TRIM66: variants seen among roughly 807,000 people sequenced by gnomAD.
TRIM66 encodes tripartite motif containing 66.
A neutral mutation model predicts 148.2 loss-of-function variants in TRIM66; 99 were observed. That is an observed-to-expected ratio of 0.67 (90% confidence interval 0.57 to 0.79). The LOEUF (loss-of-function observed/expected upper bound fraction) is 0.79. Among genes scored for constraint, TRIM66 ranks in the 30% least tolerant of loss-of-function variants. The pLI, the probability that TRIM66 is intolerant of heterozygous loss-of-function variation, is 0.00. For synonymous variants in TRIM66, 616 were observed against 635.9 expected (o/e 0.97, Z 0.47); for missense variants, 1,666 against 1,697.9 (o/e 0.98, Z 0.33).
chr11:8,655,844 A>C (rs964844569), intron 6 of TRIM66, among the ~76,000 whole-genome samples: 1 of 152,216 alleles, frequency 6.6e-6, no homozygotes, highest in African/African-American at 2.4e-5. Context: ...CAAGATAGGA[A>C]GGAACAGACA....
intron 6 of TRIM66, among the ~76,000 whole-genome samples, chr11:8,670,839 TAGCTTGCCCATGGG>T (rs2038892472): frequency 6.6e-6 from 1 of 152,204 alleles, no homozygotes; most frequent in Non-Finnish European, 1.5e-5. Flanking sequence ...AGAGGCAAGG[TAGCTTGCCCATGGG>T]TTCAGAGGGC....
At chr11:8,675,041 G>C (rs1163712748) in intron 3 of TRIM66, among the ~76,000 whole-genome samples, 158 bp from the exon 4 acceptor site, 1 of 152,190 alleles carries the variant, frequency 6.6e-6, no homozygotes, top group African/African-American at 2.4e-5. Flanking sequence ...AAAATCTGCT[G>C]ATCTTGCTCT....
chr11:8,616,448 G>A lies in TRIM66; in HGVS notation c.*1496C>T, dbSNP rs2033726089. 6.6e-6 allele frequency: 1 copy of A among 152,224 alleles called. No individual in the cohort carries two copies. The highest frequency in any genetic ancestry group is 2.1e-4 in the South Asian group (1 of 4,832). 9.4% of individuals were successfully genotyped at this position (152,224 alleles called of 1,614,324 possible). A position where few individuals can be genotyped will look rare whatever the true frequency, so the allele number is the denominator to read the frequency against. ...CCATGCAATGACAGGACCAGGGAGA[G>A]CTGTCTCAGTCCTGGCCACTGACAT... On this transcript the variant is annotated 3_prime_UTR_variant, in exon 25 of 25. Coordinates refer to ENST00000646038, the MANE Select transcript of TRIM66 (RefSeq NM_001388022.1).
rs1307539708 is a variant in TRIM66, at chr11:8,620,963, GC to G, written c.3545+68del. 2.0e-6 allele frequency: 3 copies of G among 1,499,842 alleles called. No individual in the cohort carries two copies. The Admixed American group carries it at 6.3e-5, about 31-fold the overall frequency. The allele number at this position is 1,499,842 out of a possible 1,614,324, so 92.9% of individuals were successfully genotyped here. A position where few individuals can be genotyped will look rare whatever the true frequency, so the allele number is the denominator to read the frequency against. ...CCATCCTGGGAGCTCTGTGGGCCTG[GC>G]CTGGAATAATCATCCCTGGAAGGTA... On this transcript the variant is annotated intron_variant, in intron 20 of 24. Coordinates refer to ENST00000646038, the MANE Select transcript of TRIM66 (RefSeq NM_001388022.1).
chr11:8,668,665 A>G (rs1237882074), intron 6 of TRIM66, among the ~76,000 whole-genome samples: 4 of 151,670 alleles, frequency 2.6e-5, no homozygotes, highest in African/African-American at 9.7e-5. Flanking sequence ...GGCTCACTGC[A>G]ATCTCCGCCT....
chr11:8,658,550 C>T lies in TRIM66; in HGVS notation c.341-6647G>A, dbSNP rs148939556. Among the ~76,000 whole-genome samples, 639 of 152,272 alleles carry T rather than the reference C, an allele frequency of 4.2e-3. 2 individuals carry two copies. Among genetic ancestry groups the T allele is most frequent in the Admixed American group, 8.5e-3 (130 of 15,302 alleles). On this transcript the variant is annotated intron_variant, in intron 6 of 24. Transcript: ENST00000646038. ...ACAGTGTTGGTGGTGAAGTGAGTAG[C>T]TGCAGGACCCTGGGGACCCCCTGTT...
intron 6 of TRIM66, among the ~76,000 whole-genome samples, chr11:8,660,409 A>T (rs2133375613): frequency 6.6e-6 from 1 of 152,254 alleles, no homozygotes; most frequent in South Asian, 2.1e-4. Flanking sequence ...ACTTGGTGTC[A>T]CCTACAGATT....
At chr11:8,666,067 T>C (rs1447834911) in intron 6 of TRIM66, among the ~76,000 whole-genome samples, 1 of 152,098 alleles carries the variant, frequency 6.6e-6, no homozygotes, top group Non-Finnish European at 1.5e-5. Flanking sequence ...CTGGGCGCAG[T>C]GGCTCACTCC....
upstream of TRIM66, chr11:8,682,859 A>AC (rs536599641): frequency 1.5e-3 from 2,320 of 1,596,720 alleles, 3 homozygotes; most frequent in Non-Finnish European, 1.8e-3. Flanking sequence ...GCCGGCGGAG[A>AC]CCCCTAAGCT....
At chr11:8,656,142 T>C (rs1256384240) in intron 6 of TRIM66, among the ~76,000 whole-genome samples, 1 of 152,246 alleles carries the variant, frequency 6.6e-6, no homozygotes, top group African/African-American at 2.4e-5. Context: ...CTTGACTTTT[T>C]ATTATTTTTA....
chr11:8,640,599 A>C lies in TRIM66; in HGVS notation c.1776T>G (p.Ser592Arg), dbSNP rs376462900. 1.3e-6 allele frequency: 2 copies of C among 1,551,056 alleles called. No individual in the cohort carries two copies. Among genetic ancestry groups the C allele is most frequent in the African/African-American group, 2.7e-5 (2 of 72,898 alleles). The change falls in exon 14 of 25, where the codon AGT becomes AGG. Residue 592 changes from serine (S) to arginine (R), a missense_variant. Around this residue, in one of 3 missense-constraint regions of TRIM66, gnomAD observed 1,431 missense variants for 1,412.4 expected, o/e 1.01. Transcript: ENST00000646038. ...GCTGCTGTGGCTGCTGCTGAAAGTG[A>C]CTGAGCTTCAGCTTCTGGTGGTGGC... ...QFGHHQKLKL[S>R]HFQQQPQQQL...
chr11:8,671,506 G>C (rs1300175032), intron 6 of TRIM66, among the ~76,000 whole-genome samples: 1 of 152,174 alleles, frequency 6.6e-6, no homozygotes, highest in African/African-American at 2.4e-5. Context: ...TCCGTCTGGG[G>C]AGGCAGCCAA....
intron 4 of TRIM66, among the ~76,000 whole-genome samples, chr11:8,674,184 A>G (rs142718316): frequency 4.6e-5 from 7 of 152,340 alleles, no homozygotes; most frequent in African/African-American, 1.7e-4. Flanking sequence ...GAAGACCCCA[A>G]AGAGAGTTCA....
At chr11:8,656,985 G>A (rs1592161100) in intron 6 of TRIM66, among the ~76,000 whole-genome samples, 1 of 152,228 alleles carries the variant, frequency 6.6e-6, no homozygotes, top group Non-Finnish European at 1.5e-5. Context: ...AGCAGGCCTA[G>A]AGTGCAGCCT....
chr11:8,640,939 C>T lies in TRIM66; in HGVS notation c.1436G>A (p.Gly479Asp), dbSNP rs1230611456. The change falls in exon 14 of 25, where the codon GGC becomes GAC. Residue 479 changes from glycine (G) to aspartate (D), a missense_variant. Gly to Asp is a moderately conservative substitution (Grantham distance 94, BLOSUM62 -1). Transcript: ENST00000646038. ...HCSPVSPSLK[G>D]QVPPPSIHPA... ...GTGTATGCTGGGTGGGGGGACCTGG[C>T]CTTTGAGGGAAGGCGAGACTGGGGA... 6.4e-7 allele frequency: 1 copy of T among 1,550,996 alleles called. No homozygotes were observed. The highest frequency in any genetic ancestry group is 8.7e-7 in the Non-Finnish European group (1 of 1,146,942).
chr11:8,652,878 C>A (rs1489135603), intron 6 of TRIM66, among the ~76,000 whole-genome samples: 2 of 152,246 alleles, frequency 1.3e-5, no homozygotes, highest in Non-Finnish European at 2.9e-5. Flanking sequence ...TATAGTCAGA[C>A]AAATGTAAGT....
chr11:8,637,900 CAG>C (rs1255054998), intron 15 of TRIM66, among the ~76,000 whole-genome samples: 7 of 152,234 alleles, frequency 4.6e-5, no homozygotes, highest in Admixed American at 1.3e-4. Context: ...AGATGTATGA[CAG>C]GGGTTGGGGG....
At chr11:8,665,697 C>A (rs1286927410) in intron 6 of TRIM66, among the ~76,000 whole-genome samples, 1 of 152,208 alleles carries the variant, frequency 6.6e-6, no homozygotes, top group East Asian at 1.9e-4. Context: ...GTGGCTCATG[C>A]CTGTAATCCC....
rs2038956407 is a variant in TRIM66 at position 8,671,906 on chromosome 11, C to T, written c.220G>A (p.Asp74Asn). ...MVMTCSLCHQ[D>N]LPGMGSHLLS... is the part of the protein sequence containing the mutation. ...AGATGAGAGCCCATACCTGGCAGGT[C>T]CTGATGGCACAATGAGCAGGTCATT... The change falls in exon 6 of 25, where the codon GAC becomes AAC. Residue 74 changes from aspartate to asparagine, a missense_variant. Asp to Asn is a conservative substitution (Grantham distance 23). Around this residue, in one of 3 missense-constraint regions of TRIM66, gnomAD observed 1,431 missense variants for 1,412.4 expected, o/e 1.01. Transcript: ENST00000646038. The T allele has an allele frequency of 6.5e-7, 1 of 1,536,052 alleles. No individual in the cohort carries two copies. Among genetic ancestry groups the T allele is most frequent in the South Asian group, 1.2e-5 (1 of 84,066 alleles).
Sources: gnomAD v4.1 joint callset for allele counts (sites outside exome capture counted in the v4.1 genomes callset) on GRCh38, gnomAD v4.1.1 for gene constraint, gnomAD v4.1.1 regional missense constraint, MANE v1.5 for transcripts, NCBI Gene and HGNC (gene_info 2026-07-23, HGNC 2026-07-21) for gene names.